The following ZC3H12B variants were observed in gnomAD, a reference collection of about 807,000 sequenced individuals.
ZC3H12B encodes the protein zinc finger CCCH-type containing 12B, also known as probable ribonuclease ZC3H12B.
A neutral mutation model predicts 43.9 loss-of-function variants in ZC3H12B; 7 were observed. That is an observed-to-expected ratio of 0.16 (90% CI 0.09 to 0.30). ZC3H12B has a LOEUF of 0.30. Among genes scored for constraint, ZC3H12B ranks in the 10% least tolerant of loss-of-function variants. ZC3H12B has a pLI of 1.00. For missense variants in ZC3H12B, 475 were observed against 670.2 expected (o/e 0.71, Z 3.22); for synonymous variants, 222 against 241.7 (o/e 0.92, Z 0.76).
chrX:65,327,764 G>C, the ZC3H12B span, among the ~76,000 whole-genome samples: 1 of 111,456 alleles, frequency 9.0e-6, no homozygotes, highest in Non-Finnish European at 1.9e-5. Context: ...TTTCTCTGTC[G>C]TCCATCACTG....
the ZC3H12B span, among the ~76,000 whole-genome samples, chrX:65,201,746 G>T: frequency 9.5e-6 from 1 of 105,282 alleles, no homozygotes; most frequent in African/African-American, 3.5e-5. Flanking sequence ...CTCTGTCCCC[G>T]CCACAAATCT....
At chrX:65,226,575 A>G in the ZC3H12B span, among the ~76,000 whole-genome samples, 3 of 111,842 alleles carry the variant, frequency 2.7e-5, no homozygotes, top group Non-Finnish European at 3.8e-5. Context: ...CAATTAAAAG[A>G]CACAGACTGG....
At chrX:65,051,794 T>C in the ZC3H12B span, among the ~76,000 whole-genome samples, 6 of 110,403 alleles carry the variant, frequency 5.4e-5, no homozygotes, top group African/African-American at 2.0e-4. Flanking sequence ...AAGGACACTT[T>C]GGCAGGCAGG....
the ZC3H12B span, among the ~76,000 whole-genome samples, chrX:65,147,741 C>T: frequency 7.2e-5 from 8 of 110,876 alleles, no homozygotes; most frequent in Admixed American, 7.7e-4. Context: ...ATCCCTGAAC[C>T]CAACGTCTAC....
the ZC3H12B span, among the ~76,000 whole-genome samples, chrX:65,168,469 T>C: frequency 9.0e-6 from 1 of 111,488 alleles, no homozygotes; most frequent in Admixed American, 9.6e-5. Flanking sequence ...TGCATCTATG[T>C]TCATTAGGGA....
At chrX:65,347,963 C>T in the ZC3H12B span, among the ~76,000 whole-genome samples, 5 of 111,741 alleles carry the variant, frequency 4.5e-5, no homozygotes, top group African/African-American at 9.8e-5. Context: ...TGGAAACCAA[C>T]ATTCTCAGCA....
intron 2 of ZC3H12B, among the ~76,000 whole-genome samples, chrX:65,373,353 A>G (rs1163901436): frequency 9.0e-6 from 1 of 111,688 alleles, no homozygotes. Context: ...GGGACCTAGA[A>G]CTAGAAATAC....
chrX:65,309,782 G>A, the ZC3H12B span, among the ~76,000 whole-genome samples: 639 of 111,836 alleles, frequency 5.7e-3, 3 homozygotes, highest in Admixed American at 8.9e-3. Flanking sequence ...CCAGCATCAG[G>A]TCAAAAACAT....
chrX:65,388,214 T>A (rs1161833015), intron 2 of ZC3H12B, among the ~76,000 whole-genome samples: 1 of 112,365 alleles, frequency 8.9e-6, no homozygotes, highest in Non-Finnish European at 1.9e-5. Context: ...GAACTTCTCC[T>A]GGATAATATC....
the ZC3H12B span, among the ~76,000 whole-genome samples, chrX:65,131,224 G>T: frequency 9.0e-6 from 1 of 111,502 alleles, no homozygotes; most frequent in African/African-American, 3.3e-5. Context: ...CTATAGCATA[G>T]CCTGCCTTTG....
intron 2 of ZC3H12B, among the ~76,000 whole-genome samples, chrX:65,395,619 T>C (rs960575874): frequency 1.8e-5 from 2 of 112,291 alleles, no homozygotes; most frequent in African/African-American, 6.5e-5. Flanking sequence ...ACATCAATGT[T>C]CATCAGGGAT....
the ZC3H12B span, among the ~76,000 whole-genome samples, chrX:65,348,660 G>A: frequency 9.6e-6 from 1 of 104,340 alleles, no homozygotes; most frequent in Non-Finnish European, 1.9e-5. Context: ...TAAAGGGATG[G>A]AGGAATATTT....
chrX:65,039,124 C>T, the ZC3H12B span, among the ~76,000 whole-genome samples: 5 of 111,566 alleles, frequency 4.5e-5, no homozygotes, highest in East Asian at 1.4e-3. Context: ...AAATCAAACA[C>T]CTTCATATAT....
At chrX:65,263,544 G>A in the ZC3H12B span, among the ~76,000 whole-genome samples, 2 of 111,308 alleles carry the variant, frequency 1.8e-5, no homozygotes, top group Non-Finnish European at 3.8e-5. Context: ...ACTCTGTAAA[G>A]TAAAAGAGTA....
chrX:65,091,033 C>T, the ZC3H12B span, among the ~76,000 whole-genome samples: 1 of 111,345 alleles, frequency 9.0e-6, no homozygotes, highest in African/African-American at 3.3e-5. Context: ...TCACATGCCT[C>T]TCTGCTTCTT....
the ZC3H12B span, among the ~76,000 whole-genome samples, chrX:65,119,396 G>T: frequency 3.6e-5 from 4 of 111,847 alleles, no homozygotes; most frequent in Admixed American, 9.5e-5. Context: ...TTCTCTGATG[G>T]CCAGTGATGA....
chrX:65,080,982 G>A, the ZC3H12B span, among the ~76,000 whole-genome samples: 1 of 107,249 alleles, frequency 9.3e-6, no homozygotes, highest in East Asian at 2.9e-4. Flanking sequence ...AAAAAGCAGG[G>A]GGACAAAGTT....
At chrX:65,377,020 A>G (rs181104657) in intron 2 of ZC3H12B, among the ~76,000 whole-genome samples, 2 of 110,961 alleles carry the variant, frequency 1.8e-5, no homozygotes, top group African/African-American at 6.5e-5. Flanking sequence ...AAGATATCAC[A>G]GAGAAGGAAT....
chrX:65,419,217 C>A (rs1293027045), intron 3 of ZC3H12B, among the ~76,000 whole-genome samples: 3 of 111,702 alleles, frequency 2.7e-5, no homozygotes, highest in Non-Finnish European at 5.7e-5. Flanking sequence ...TGGAATGAGG[C>A]CTAAATGGAA....
Sources: allele counts gnomAD v4.1 joint callset (sites outside exome capture counted in the v4.1 genomes callset), GRCh38; gene constraint gnomAD v4.1.1; transcripts MANE v1.5; gene names NCBI Gene and HGNC (gene_info 2026-07-23, HGNC 2026-07-21).